GATAD1: variants seen among roughly 807,000 people sequenced by gnomAD.
GATAD1 encodes GATA zinc finger domain-containing protein 1.
GATAD1 carries 12 observed loss-of-function variants against 26.5 expected under a neutral mutation model. The ratio of observed to expected loss-of-function variants is 0.45; its 90% CI spans 0.29 to 0.73. The LOEUF (loss-of-function observed/expected upper bound fraction) is 0.73, where lower values mean the gene tolerates loss of function less well. GATAD1 is among the 30% of genes least tolerant of loss of function. GATAD1 has a pLI of 0.10. For synonymous variants in GATAD1, 129 were observed against 133.1 expected (o/e 0.97, Z 0.21); for missense variants, 266 against 342.1 (o/e 0.78, Z 1.75).
At chr7:92,456,334 C>T (rs780280341) in intron 4 of GATAD1, 38 bp from the exon 5 acceptor site, 2 of 1,385,466 alleles carry the variant, frequency 1.4e-6, no homozygotes, top group South Asian at 1.3e-5. Flanking sequence ...TATATATGGT[C>T]AAAAATGTAT....
the GATAD1 span, chr7:92,470,363 TATG>T: frequency 1.4e-6 from 1 of 713,554 alleles, no homozygotes; most frequent in African/African-American, 1.8e-5. Flanking sequence ...AAGAGAAAAA[TATG>T]ATAAGGGAGG....
At chr7:92,487,796 T>C in the GATAD1 span, among the ~76,000 whole-genome samples, 15 of 152,260 alleles carry the variant, frequency 9.9e-5, 1 homozygote, top group East Asian at 2.9e-3. Context: ...ATATGAAAAA[T>C]TATAACTTCT....
At chr7:92,484,873 A>G in the GATAD1 span, among the ~76,000 whole-genome samples, 41 of 152,308 alleles carry the variant, frequency 2.7e-4, no homozygotes, top group Non-Finnish European at 5.0e-4. Context: ...AGAGTCCACC[A>G]AACAGGCTTT....
At position 92,457,894 on chromosome 7, in the gene GATAD1, T is replaced by G. The variant is rs1166172748; in HGVS notation, c.*1332T>G. The G allele has an allele frequency of 6.6e-6, 1 of 152,202 alleles. No homozygotes were observed. The highest frequency in any genetic ancestry group is 2.4e-5 in the African/African-American group (1 of 41,440). 9.4% of individuals were successfully genotyped at this position (152,202 alleles called of 1,614,324 possible). ...GCTCATGCCTGTAATCCCGGCACTT[T>G]GGGAGGCCTGAGTGGATGGATCACT... On this transcript the variant is annotated 3_prime_UTR_variant, in exon 5 of 5. Transcript: ENST00000287957.
chr7:92,483,894 G>C, the GATAD1 span, among the ~76,000 whole-genome samples: 1 of 152,108 alleles, frequency 6.6e-6, no homozygotes, highest in African/African-American at 2.4e-5. Flanking sequence ...GAGGAGGGGA[G>C]AGTTCAGATG....
chr7:92,449,104 C>T, intron 2 of GATAD1: 1 of 1,182,164 alleles, frequency 8.5e-7, no homozygotes, highest in Non-Finnish European at 1.1e-6. Context: ...TTTATTTTTT[C>T]CCCTGGAAAA....
chr7:92,449,906 C>T (rs953581022), intron 2 of GATAD1: 1 of 152,082 alleles, frequency 6.6e-6, no homozygotes, highest in Non-Finnish European at 1.5e-5. Context: ...ATGTTCCCTT[C>T]CCCAAAGTAT....
intron 3 of GATAD1, among the ~76,000 whole-genome samples, chr7:92,451,781 T>TTG (rs1789441776): frequency 6.6e-6 from 1 of 152,262 alleles, no homozygotes; most frequent in Non-Finnish European, 1.5e-5. Context: ...ATGCTTTATT[T>TTG]CATTCAGTTC....
intron 2 of GATAD1, chr7:92,449,224 A>T: frequency 1.1e-6 from 1 of 917,488 alleles, no homozygotes; most frequent in Non-Finnish European, 1.3e-6. Context: ...GTACACTAAG[A>T]AAACTTTTTT....
Position 92,458,064 on chromosome 7 carries a change from G to A in GATAD1, c.*1502G>A, listed in dbSNP as rs1210768608. 6.6e-6 allele frequency: 1 copy of A among 152,280 alleles called. No homozygotes were observed. Among genetic ancestry groups the A allele is most frequent in the African/African-American group, 2.4e-5 (1 of 41,422 alleles). The allele number at this position is 152,280 out of a possible 1,614,324, so 9.4% of individuals were successfully genotyped here. A position where few individuals can be genotyped will look rare whatever the true frequency, so the allele number is the denominator to read the frequency against. Reference sequence around the variant, plus strand: ...AGGCAGGAGAATTGCTTGAACTCGGGAGGTGGAGATTGCAGTAAGCCGAGA... The same window carrying A: ...AGGCAGGAGAATTGCTTGAACTCGGAAGGTGGAGATTGCAGTAAGCCGAGA... On this transcript the variant is annotated 3_prime_UTR_variant, in exon 5 of 5. Coordinates refer to ENST00000287957, the MANE Select transcript of GATAD1 (RefSeq NM_021167.5).
At chr7:92,449,948 T>C (rs1316425563) in intron 2 of GATAD1, 1 of 152,208 alleles carries the variant, frequency 6.6e-6, no homozygotes, top group Non-Finnish European at 1.5e-5. Flanking sequence ...TTCTAATTTA[T>C]TTAAGATTTT....
At chr7:92,448,953 T>G in intron 2 of GATAD1, 76 bp downstream of exon 2, 2 of 1,445,682 alleles carry the variant, frequency 1.4e-6, no homozygotes, top group Non-Finnish European at 1.9e-6. Context: ...TTTCTCACCA[T>G]TGAACTTGGA....
chr7:92,489,652 C>A, the GATAD1 span: 3 of 1,453,058 alleles, frequency 2.1e-6, no homozygotes, highest in Non-Finnish European at 2.9e-6. Context: ...AAATATATAT[C>A]AAAAGGGTGA....
Position 92,454,431 on chromosome 7 carries a change from A to G in GATAD1, c.436-71A>G, listed in dbSNP as rs112028916. The G allele has an allele frequency of 2.5e-4, 288 of 1,166,692 alleles. 3 individuals carry two copies. In the African/African-American group the frequency reaches 3.2e-3, roughly 13 times the overall value. 72.3% of individuals were successfully genotyped at this position (1,166,692 alleles called of 1,614,324 possible). A position where few individuals can be genotyped will look rare whatever the true frequency, so the allele number is the denominator to read the frequency against. ...GACCACTTTGAAAACTTGCTTACCT[A>G]TTAAGGTTCATTCATAGCTGTGATG... is the stretch of plus-strand genomic sequence containing the variant. On this transcript the variant is annotated intron_variant, in intron 3 of 4. Transcript: ENST00000287957.
chr7:92,448,607 C>T, intron 1 of GATAD1, 145 bp from the exon 2 acceptor site: 1 of 694,584 alleles, frequency 1.4e-6, no homozygotes, highest in Admixed American at 2.4e-5. Context: ...GTAATTACTT[C>T]TCTTGAAAAG....
the GATAD1 span, among the ~76,000 whole-genome samples, chr7:92,492,045 G>A: frequency 3.9e-5 from 6 of 152,186 alleles, no homozygotes; most frequent in African/African-American, 1.4e-4. Flanking sequence ...AGTCTATAAT[G>A]TAACAGTTCA....
intron 2 of GATAD1, 23 bp downstream of exon 2, chr7:92,448,900 CT>C (rs759768830): frequency 1.2e-6 from 2 of 1,601,720 alleles, no homozygotes; most frequent in Non-Finnish European, 8.6e-7. Flanking sequence ...TGGACAGTGC[CT>C]TTTACTGTAA....
At chr7:92,476,409 G>A in the GATAD1 span, among the ~76,000 whole-genome samples, 20 of 152,266 alleles carry the variant, frequency 1.3e-4, no homozygotes, top group African/African-American at 4.8e-4. Context: ...GGAAGCTACG[G>A]GTTGTCAATG....
the GATAD1 span, among the ~76,000 whole-genome samples, chr7:92,465,959 C>G: frequency 6.6e-6 from 1 of 150,980 alleles, no homozygotes; most frequent in Non-Finnish European, 1.5e-5. Flanking sequence ...GCCAAGATCG[C>G]ACCGTTGTAC....
Sources: allele counts gnomAD v4.1 joint callset (sites outside exome capture counted in the v4.1 genomes callset), GRCh38; gene constraint gnomAD v4.1.1; transcripts MANE v1.5; gene names NCBI Gene and HGNC (gene_info 2026-07-23, HGNC 2026-07-21).